The following NELL1 variants were observed in gnomAD, a reference collection of about 807,000 sequenced individuals.
The protein encoded by NELL1 is protein kinase C-binding protein NELL1.
NELL1 carries 76 observed loss-of-function variants against 107.4 expected under a neutral mutation model. The observed-to-expected ratio is 0.71, with a 90% CI of 0.59 to 0.86. The LOEUF is 0.86. NELL1 is among the 40% of genes least tolerant of loss of function. NELL1 has a pLI of 0.00. For missense variants in NELL1, 1,024 were observed against 1,005.5 expected (o/e 1.02, Z -0.25); for synonymous variants, 353 against 341.2 (o/e 1.03, Z -0.38).
chr11:21,382,996 CTT>C (rs1485660831), intron 15 of NELL1, among the ~76,000 whole-genome samples: 1 of 151,944 alleles, frequency 6.6e-6, no homozygotes, highest in African/African-American at 2.4e-5. Flanking sequence ...AAGTTACAAA[CTT>C]TCCCTAGTAA....
At chr11:20,929,965 G>C (rs1022703226) in intron 9 of NELL1, among the ~76,000 whole-genome samples, 6 of 137,844 alleles carry the variant, frequency 4.4e-5, no homozygotes, top group African/African-American at 1.7e-4. Flanking sequence ...GAGTGAGTCT[G>C]TCTCAAAAAA....
At chr11:21,454,850 C>A (rs761425891) in intron 15 of NELL1, among the ~76,000 whole-genome samples, 1 of 152,230 alleles carries the variant, frequency 6.6e-6, no homozygotes, top group Non-Finnish European at 1.5e-5. Flanking sequence ...GTGACATCAT[C>A]TAAACCTAGT....
At chr11:21,115,630 T>G (rs1432563328) in intron 13 of NELL1, among the ~76,000 whole-genome samples, 1 of 151,860 alleles carries the variant, frequency 6.6e-6, no homozygotes, top group Non-Finnish European at 1.5e-5. Flanking sequence ...CCTCAAATCT[T>G]CAATAAAGTC....
intron 13 of NELL1, among the ~76,000 whole-genome samples, chr11:21,141,507 A>G (rs1422153558): frequency 6.6e-6 from 1 of 152,160 alleles, no homozygotes; most frequent in Non-Finnish European, 1.5e-5. Context: ...CTACCCTAGT[A>G]GTCCCATCTC....
chr11:21,534,449 A>G lies in NELL1; in HGVS notation c.1721A>G (p.His574Arg). The change falls in exon 16 of 20, where the codon CAC becomes CGC. Residue 574 changes from histidine (H) to arginine (R), a missense_variant. Coordinates refer to ENST00000357134, the MANE Select transcript of NELL1 (RefSeq NM_006157.5). ...SRCVNLPGWY[H>R]CECRSGFHDD... ...TGCGTTAACCTGCCAGGGTGGTACCACTGTGAGTGCAGAAGCGGTTTCCAT... is the reference window on the plus strand; with the variant it reads ...TGCGTTAACCTGCCAGGGTGGTACCGCTGTGAGTGCAGAAGCGGTTTCCAT... 1 of 1,613,870 alleles carries G rather than the reference A, an allele frequency of 6.2e-7. No individual in the cohort carries two copies. The highest frequency in any genetic ancestry group is 8.5e-7 in the Non-Finnish European group (1 of 1,179,850).
At chr11:21,364,901 C>T (rs1851181210) in intron 14 of NELL1, among the ~76,000 whole-genome samples, 1 of 152,176 alleles carries the variant, frequency 6.6e-6, no homozygotes, top group South Asian at 2.1e-4. Context: ...TTTAAATATT[C>T]AGCCTCTCAC....
chr11:21,163,376 C>T (rs938741366), intron 13 of NELL1, among the ~76,000 whole-genome samples: 3 of 152,018 alleles, frequency 2.0e-5, no homozygotes, highest in Non-Finnish European at 4.4e-5. Context: ...TTTTAAAAAG[C>T]TTTTAGAATA....
intron 12 of NELL1, among the ~76,000 whole-genome samples, chr11:21,088,386 A>G (rs542364552): frequency 6.6e-6 from 1 of 152,134 alleles, no homozygotes; most frequent in African/African-American, 2.4e-5. Flanking sequence ...CATGAGGAAA[A>G]TAGGGAACTG....
chr11:20,970,650 G>T (rs2134228853), intron 12 of NELL1, among the ~76,000 whole-genome samples: 1 of 152,304 alleles, frequency 6.6e-6, no homozygotes, highest in East Asian at 1.9e-4. Context: ...GCCATTCTCA[G>T]TAGGGGGATC....
intron 14 of NELL1, among the ~76,000 whole-genome samples, chr11:21,350,612 G>GT (rs1850787689): frequency 6.6e-6 from 1 of 152,124 alleles, no homozygotes; most frequent in African/African-American, 2.4e-5. Flanking sequence ...AACTCTGCTG[G>GT]TTTTTTAAGT....
chr11:20,702,371 CTT>C (rs1854816313), intron 2 of NELL1, among the ~76,000 whole-genome samples: 1 of 151,500 alleles, frequency 6.6e-6, no homozygotes, highest in Non-Finnish European at 1.5e-5. Context: ...TATCCTGAGA[CTT>C]TGCTGAAGTT....
Position 21,317,282 on chromosome 11 carries a change from C to T in NELL1, c.1550-53571C>T, listed in dbSNP as rs1207946826. Among the ~76,000 whole-genome samples the T allele has an allele frequency of 3.3e-5, 5 of 151,686 alleles. No homozygotes were observed. In the East Asian group the frequency reaches 9.7e-4, roughly 30 times the overall value. ...ATCTTTCTCTTACTGAAGTAAAGGA[C>T]TGTTTCTAGGGTTTATTTCTCCTTC... On this transcript the variant is annotated intron_variant, in intron 14 of 19. Coordinates refer to ENST00000357134, the MANE Select transcript of NELL1 (RefSeq NM_006157.5).
At chr11:20,720,725 C>G (rs1447306264) in intron 2 of NELL1, among the ~76,000 whole-genome samples, 1 of 151,954 alleles carries the variant, frequency 6.6e-6, no homozygotes, top group Non-Finnish European at 1.5e-5. Context: ...CTCTCTATGT[C>G]TCTTCAAATC....
intron 2 of NELL1, among the ~76,000 whole-genome samples, chr11:20,690,659 A>T: frequency 6.6e-6 from 1 of 151,854 alleles, no homozygotes; most frequent in Non-Finnish European, 1.5e-5. Flanking sequence ...TTTTGGTACC[A>T]GTACCATGCT....
At chr11:20,824,443 G>C (rs1857828857) in intron 3 of NELL1, among the ~76,000 whole-genome samples, 2 of 151,240 alleles carry the variant, frequency 1.3e-5, no homozygotes, top group Admixed American at 6.6e-5. Flanking sequence ...ACAGGCAGGG[G>C]TTGGAACAGT....
At chr11:21,185,574 C>T (rs1328202062) in intron 13 of NELL1, among the ~76,000 whole-genome samples, 3 of 151,790 alleles carry the variant, frequency 2.0e-5, no homozygotes, top group Non-Finnish European at 4.4e-5. Flanking sequence ...GGATTACAGG[C>T]GTGAGCCACT....
intron 15 of NELL1, among the ~76,000 whole-genome samples, chr11:21,425,465 G>A (rs1233698140): frequency 6.6e-6 from 1 of 152,106 alleles, no homozygotes; most frequent in African/African-American, 2.4e-5. Flanking sequence ...TTATCAGGGT[G>A]GACCTAATGT....
chr11:21,206,886 G>C (rs1216293461), intron 13 of NELL1, among the ~76,000 whole-genome samples: 1 of 152,094 alleles, frequency 6.6e-6, no homozygotes, highest in Non-Finnish European at 1.5e-5. Context: ...CTTGTCTTCA[G>C]AACTCCTCTA....
intron 14 of NELL1, among the ~76,000 whole-genome samples, chr11:21,254,700 T>C (rs1002467437): frequency 2.0e-5 from 3 of 152,188 alleles, no homozygotes; most frequent in East Asian, 1.9e-4. Context: ...CTGGTGAACA[T>C]TGATGAAAAG....
Sources: allele counts gnomAD v4.1 joint callset (sites outside exome capture counted in the v4.1 genomes callset), GRCh38; gene constraint gnomAD v4.1.1; transcripts MANE v1.5; gene names NCBI Gene and HGNC (gene_info 2026-07-23, HGNC 2026-07-21).